The following RAD17 variants were observed in gnomAD, a reference collection of about 807,000 sequenced individuals.
RAD17 encodes RAD17 checkpoint clamp loader component, also known as cell cycle checkpoint protein RAD17.
RAD17 carries 31 observed loss-of-function variants against 81.5 expected under a neutral mutation model. That is an observed-to-expected ratio of 0.38 (90% CI 0.29 to 0.51). The LOEUF is 0.51. Ranked by LOEUF, RAD17 falls within the 20% of genes least tolerant of loss-of-function variation. The pLI, the probability that RAD17 is intolerant of heterozygous loss-of-function variation, is 0.88. For missense variants in RAD17, 681 were observed against 781.2 expected, an observed-to-expected ratio of 0.87 and a Z score of 1.53; for synonymous variants, 261 against 266.2, an observed-to-expected ratio of 0.98 and a Z score of 0.19.
chr5:69,403,550 A>C (rs965780912), intron 17 of RAD17, among the ~76,000 whole-genome samples: 1 of 152,230 alleles, frequency 6.6e-6, no homozygotes, highest in African/African-American at 2.4e-5. Context: ...CTGTAAGATA[A>C]AACACTTCAT....
chr5:69,391,005 G>C (rs1299028712), intron 12 of RAD17, among the ~76,000 whole-genome samples: 1 of 150,910 alleles, frequency 6.6e-6, no homozygotes, highest in Non-Finnish European at 1.5e-5. Context: ...CCCAGCACTT[G>C]GGGAGGCCAA....
In RAD17 at chr5:69,373,647, T is replaced by C. The variant is rs539386473; in HGVS notation, c.10-183T>C. Among the ~76,000 whole-genome samples the C allele has an allele frequency of 6.8e-5, 10 of 146,976 alleles. No individual in the cohort carries two copies. In the South Asian group the frequency reaches 2.2e-3, roughly 33 times the overall value. The stretch of plus-strand genomic sequence containing the variant: ...TTGAGCTGAGATTATACCACTGCAG[T>C]CCAGCCTGGGTGACAGAGTGAGACC... On this transcript the variant is annotated intron_variant, in intron 4 of 18. Coordinates refer to ENST00000354868, the MANE Select transcript of RAD17 (RefSeq NM_133338.3).
chr5:69,386,918 T>A (rs1484974925), intron 11 of RAD17, among the ~76,000 whole-genome samples: 4 of 144,874 alleles, frequency 2.8e-5, no homozygotes, highest in Non-Finnish European at 6.0e-5. Context: ...CATATACAGC[T>A]GTTGTCACTT....
intron 16 of RAD17, 138 bp from the exon 17 acceptor site, chr5:69,399,911 A>T (rs1005485195): frequency 1.6e-5 from 8 of 488,072 alleles, no homozygotes; most frequent in Non-Finnish European, 2.4e-5. Flanking sequence ...AAGCTATTAA[A>T]AGTATATTTG....
intron 17 of RAD17, among the ~76,000 whole-genome samples, chr5:69,402,440 C>A (rs1244747729): frequency 6.6e-6 from 1 of 152,056 alleles, no homozygotes; most frequent in East Asian, 2.0e-4. Context: ...CCGAGGCGGG[C>A]GGATCACGAG....
intron 13 of RAD17, among the ~76,000 whole-genome samples, chr5:69,392,400 T>C (rs1764604149): frequency 6.6e-6 from 1 of 152,182 alleles, no homozygotes; most frequent in Non-Finnish European, 1.5e-5. Flanking sequence ...TCAATCGTCT[T>C]GTATTTCTCT....
chr5:69,386,526 T>C, intron 11 of RAD17, 61 bp downstream of exon 11: 1 of 1,428,118 alleles, frequency 7.0e-7, no homozygotes, highest in Non-Finnish European at 9.2e-7. Context: ...TTAAATAGTA[T>C]TATGTAAACT....
At chr5:69,369,427 G>C (rs766334114), upstream of RAD17, 7 of 1,605,902 alleles carry the variant, frequency 4.4e-6, no homozygotes, top group South Asian at 6.6e-5. Flanking sequence ...CCCCCAGCCT[G>C]CCCCAGCCCA....
chr5:69,382,212 G>T (rs533279281), intron 7 of RAD17, among the ~76,000 whole-genome samples, 155 bp downstream of exon 7: 1 of 152,142 alleles, frequency 6.6e-6, no homozygotes, highest in South Asian at 2.1e-4. Context: ...CACATGGGAG[G>T]CTGAGGCAGG....
At chr5:69,369,522 C>T, upstream of RAD17, 1 of 1,611,206 alleles carries the variant, frequency 6.2e-7, no homozygotes, top group Non-Finnish European at 8.5e-7. Context: ...GGGCGCCTCG[C>T]TCACGTGCCC....
In RAD17 at chr5:69,404,109, A is replaced by G. The variant is rs866060032; in HGVS notation, c.1693+3940A>G. 3.2e-4 allele frequency among the ~76,000 whole-genome samples: 48 copies of G among 152,290 alleles called. 1 individual carries two copies. In the Middle Eastern group the frequency reaches 0.024, roughly 76 times the overall value. ...ATTACAAAAGAGAAACTGATGGTAAAATTGCTGGTGAAGTTAACTTTTATC... is the reference window on the plus strand; with the variant it reads ...ATTACAAAAGAGAAACTGATGGTAAGATTGCTGGTGAAGTTAACTTTTATC... On this transcript the variant is annotated intron_variant, in intron 17 of 18. Coordinates refer to ENST00000354868, the MANE Select transcript of RAD17 (RefSeq NM_133338.3).
At chr5:69,374,591 A>T in intron 5 of RAD17, 37 bp from the exon 6 acceptor site, 1 of 1,509,202 alleles carries the variant, frequency 6.6e-7, no homozygotes, top group South Asian at 1.2e-5. Flanking sequence ...ATCTTCAGTT[A>T]AGAAGTTTTG....
intron 4 of RAD17, 120 bp from the exon 5 acceptor site, chr5:69,373,710 T>TAGTTTTAAAGGTTATAAATA: frequency 2.0e-6 from 1 of 495,418 alleles, no homozygotes; most frequent in Non-Finnish European, 2.9e-6. Context: ...TTTTTTTTTT[T>TAGTTTTAAAGGTTATAAATA]TTTTTTAAGT....
chr5:69,385,144 T>C (rs952673547), intron 8 of RAD17, among the ~76,000 whole-genome samples: 4 of 151,760 alleles, frequency 2.6e-5, no homozygotes, highest in African/African-American at 7.3e-5. Context: ...TATTTTTTAG[T>C]AGAGACGGGG....
At chr5:69,378,469 A>G (rs542374396) in intron 6 of RAD17, among the ~76,000 whole-genome samples, 2 of 152,378 alleles carry the variant, frequency 1.3e-5, no homozygotes, top group Admixed American at 6.5e-5. Context: ...AGAAAAATGT[A>G]TAATGCCTGT....
rs367642310 is a variant in RAD17 at position 69,393,261 on chromosome 5, T to C, written c.1275+21T>C. 3 of 1,577,454 alleles carry C rather than the reference T, an allele frequency of 1.9e-6. No homozygotes were observed. In the African/African-American group the frequency reaches 4.1e-5, roughly 21 times the overall value. The stretch of plus-strand genomic sequence containing the variant: ...CTGAGGTAAGTTCTTTGATGACACT[T>C]AGTATAGGTTACAAAGGATATATTA... On this transcript the variant is annotated intron_variant, in intron 14 of 18. Transcript: ENST00000354868.
chr5:69,400,670 A>G (rs924415842), intron 17 of RAD17, among the ~76,000 whole-genome samples: 1 of 151,426 alleles, frequency 6.6e-6, no homozygotes, highest in Admixed American at 6.6e-5. Context: ...GCAGTGGCTC[A>G]TGCCTGTAAT....
intron 17 of RAD17, among the ~76,000 whole-genome samples, chr5:69,401,230 G>T (rs1402407598): frequency 6.6e-6 from 1 of 152,126 alleles, no homozygotes; most frequent in Non-Finnish European, 1.5e-5. Context: ...AGTTTCTAAA[G>T]TAAAAATTGA....
At chr5:69,411,871 T>A (rs1766026392) in intron 18 of RAD17, among the ~76,000 whole-genome samples, 1 of 152,246 alleles carries the variant, frequency 6.6e-6, no homozygotes, top group South Asian at 2.1e-4. Context: ...TTGCTGCAAT[T>A]TACACAAGGC....
Sources: gnomAD v4.1 joint callset for allele counts (sites outside exome capture counted in the v4.1 genomes callset) on GRCh38, gnomAD v4.1.1 for gene constraint, MANE v1.5 for transcripts, NCBI Gene and HGNC (gene_info 2026-07-23, HGNC 2026-07-21) for gene names.